The following ARNT2 variants were observed in gnomAD, a reference collection of about 807,000 sequenced individuals.
ARNT2 encodes the protein ARNT protein 2.
A neutral mutation model predicts 91.7 loss-of-function variants in ARNT2; 36 were observed. That is an observed-to-expected ratio of 0.39 (90% CI 0.30 to 0.52). The LOEUF is 0.52. ARNT2 is among the 20% of genes least tolerant of loss of function. The pLI is 0.72. For synonymous variants in ARNT2, 365 were observed against 347.1 expected, an observed-to-expected ratio of 1.05 and a Z score of -0.57; for missense variants, 775 against 939.3, an observed-to-expected ratio of 0.83 and a Z score of 2.29.
At chr15:80,574,887 G>A (rs1898642313) in intron 13 of ARNT2, 100 bp from the exon 14 acceptor site, 1 of 1,408,784 alleles carries the variant, frequency 7.1e-7, no homozygotes, top group Non-Finnish European at 9.7e-7. Flanking sequence ...TGATTCCAGA[G>A]GGAGGGGGCT....
At chr15:80,417,552 TC>T (rs1361806682) in intron 1 of ARNT2, among the ~76,000 whole-genome samples, 39 of 61,038 alleles carry the variant, frequency 6.4e-4, no homozygotes, top group Non-Finnish European at 1.6e-4. Context: ...CTCTTCCTTC[TC>T]CTTTCTTTTC....
At position 80,508,268 on chromosome 15, in the gene ARNT2, G is replaced by C; in HGVS notation, c.725+10G>C. 1 of 1,613,674 alleles carries C rather than the reference G, an allele frequency of 6.2e-7. No homozygotes were observed. The highest frequency in any genetic ancestry group is 8.5e-7 in the Non-Finnish European group (1 of 1,179,692). ...TCATCTGCAGGATGAGGTCTGTTTTGGGGGAGCAGCAGGCCATCAGGTGGT... is the reference window on the plus strand; with the variant it reads ...TCATCTGCAGGATGAGGTCTGTTTTCGGGGAGCAGCAGGCCATCAGGTGGT... On this transcript the variant is annotated intron_variant, in intron 6 of 18. Transcript: ENST00000303329.
At chr15:80,529,479 AT>A (rs374375989) in intron 8 of ARNT2, among the ~76,000 whole-genome samples, 10 of 144,312 alleles carry the variant, frequency 6.9e-5, no homozygotes, top group African/African-American at 2.6e-4. Flanking sequence ...AGCTTTTATT[AT>A]TTTTTTTCTA....
intron 8 of ARNT2, among the ~76,000 whole-genome samples, chr15:80,528,230 G>T (rs1479652923): frequency 6.6e-6 from 1 of 152,134 alleles, no homozygotes; most frequent in Non-Finnish European, 1.5e-5. Flanking sequence ...GGGACGCTGG[G>T]ATCCACACTC....
chr15:80,445,844 C>T (rs945691293), intron 1 of ARNT2, among the ~76,000 whole-genome samples: 1 of 151,994 alleles, frequency 6.6e-6, no homozygotes, highest in East Asian at 1.9e-4. Flanking sequence ...CGTGGGGGAT[C>T]GTGTTACGAG....
intron 1 of ARNT2, among the ~76,000 whole-genome samples, chr15:80,428,203 A>ATCGT (rs1385134347): frequency 6.6e-6 from 1 of 152,240 alleles, no homozygotes; most frequent in Non-Finnish European, 1.5e-5. Context: ...GAACTGTGGA[A>ATCGT]TCGTTCACCC....
intron 17 of ARNT2, among the ~76,000 whole-genome samples, chr15:80,585,698 C>T (rs28505490): frequency 0.025 from 3,817 of 152,230 alleles, 164 homozygotes; most frequent in African/African-American, 0.085. Flanking sequence ...CACACCCACC[C>T]CACCAGGTGG....
At chr15:80,421,554 A>G (rs962616122) in intron 1 of ARNT2, among the ~76,000 whole-genome samples, 1 of 152,176 alleles carries the variant, frequency 6.6e-6, no homozygotes, top group Admixed American at 6.5e-5. Flanking sequence ...ATAGTTCACT[A>G]GTTTTGAAAC....
intron 1 of ARNT2, among the ~76,000 whole-genome samples, chr15:80,409,906 A>G (rs947581160): frequency 1.2e-4 from 18 of 152,158 alleles, no homozygotes; most frequent in African/African-American, 4.1e-4. Context: ...GAGCTGGAGA[A>G]CAGGGAGCAA....
At chr15:80,570,326 C>G (rs903822215) in intron 12 of ARNT2, among the ~76,000 whole-genome samples, 1 of 152,196 alleles carries the variant, frequency 6.6e-6, no homozygotes, top group Non-Finnish European at 1.5e-5. Flanking sequence ...TCATATGTCT[C>G]AGTTGCTTTA....
At chr15:80,427,073 T>G (rs1414342416) in intron 1 of ARNT2, among the ~76,000 whole-genome samples, 3 of 152,156 alleles carry the variant, frequency 2.0e-5, no homozygotes, top group Non-Finnish European at 2.9e-5. Context: ...ACATATGAAT[T>G]TTGGGTGGAC....
intron 1 of ARNT2, among the ~76,000 whole-genome samples, chr15:80,428,139 G>A (rs1156581846): frequency 1.3e-5 from 2 of 152,236 alleles, no homozygotes; most frequent in Non-Finnish European, 2.9e-5. Flanking sequence ...GGAAGACTCC[G>A]TGTGGGCCAG....
At chr15:80,464,400 C>T (rs1896619081) in intron 3 of ARNT2, among the ~76,000 whole-genome samples, 1 of 152,148 alleles carries the variant, frequency 6.6e-6, no homozygotes, top group Non-Finnish European at 1.5e-5. Flanking sequence ...TAGAAACATG[C>T]AAGATGTGTG....
At chr15:80,469,350 G>A (rs1457573639) in intron 3 of ARNT2, among the ~76,000 whole-genome samples, 1 of 151,882 alleles carries the variant, frequency 6.6e-6, no homozygotes, top group Non-Finnish European at 1.5e-5. Context: ...TACCTGTTTT[G>A]TTACTATGCT....
At chr15:80,536,947 G>C (rs1413912715) in intron 8 of ARNT2, among the ~76,000 whole-genome samples, 1 of 152,122 alleles carries the variant, frequency 6.6e-6, no homozygotes, top group Non-Finnish European at 1.5e-5. Flanking sequence ...TGACTGCAGG[G>C]GTGCTCAAAG....
chr15:80,523,234 G>A (rs1897581773), intron 8 of ARNT2, among the ~76,000 whole-genome samples: 1 of 152,230 alleles, frequency 6.6e-6, no homozygotes, highest in South Asian at 2.1e-4. Context: ...CTGGAAGGGA[G>A]ATTTCCGAGA....
intron 8 of ARNT2, among the ~76,000 whole-genome samples, chr15:80,522,410 T>C (rs1295465756): frequency 6.6e-6 from 1 of 152,202 alleles, no homozygotes; most frequent in African/African-American, 2.4e-5. Context: ...TGTATACATA[T>C]ACAGTCTTGC....
intron 2 of ARNT2, among the ~76,000 whole-genome samples, chr15:80,456,392 T>G (rs1032224916): frequency 6.6e-6 from 1 of 152,182 alleles, no homozygotes; most frequent in African/African-American, 2.4e-5. Context: ...GTTCTTATAC[T>G]GTTAGTATAA....
At chr15:80,448,585 G>A (rs141212736) in intron 1 of ARNT2, among the ~76,000 whole-genome samples, 34 of 152,310 alleles carry the variant, frequency 2.2e-4, no homozygotes, top group Admixed American at 3.9e-4. Flanking sequence ...TGATTGGAAC[G>A]GGGAAGGGAT....
Sources: gnomAD v4.1 joint callset for allele counts (sites outside exome capture counted in the v4.1 genomes callset) on GRCh38, gnomAD v4.1.1 for gene constraint, MANE v1.5 for transcripts, NCBI Gene and HGNC (gene_info 2026-07-23, HGNC 2026-07-21) for gene names.